Variants in PTHLH observed in about 807,000 individuals in gnomAD.
PTHLH encodes the protein parathyroid hormone-related protein.
PTHLH carries 5 observed loss-of-function variants against 18.6 expected under a neutral mutation model. The observed-to-expected ratio is 0.27, with a 90% confidence interval of 0.14 to 0.56. PTHLH has a LOEUF of 0.56. Among genes scored for constraint, PTHLH ranks in the 20% least tolerant of loss-of-function variants. The pLI, the probability that PTHLH is intolerant of heterozygous loss-of-function variation, is 0.92. For missense variants in PTHLH, 207 were observed against 223.9 expected (o/e 0.92, Z 0.48); for synonymous variants, 90 against 94.0 (o/e 0.96, Z 0.25).
chr12:27,968,642 C>A (rs1425006310), intron 4 of PTHLH, among the ~76,000 whole-genome samples: 1 of 152,132 alleles, frequency 6.6e-6, no homozygotes, highest in Non-Finnish European at 1.5e-5. Flanking sequence ...ATGATTATTT[C>A]AAAGTTGAAG....
chr12:27,958,654 T>C lies in PTHLH; in HGVS notation c.525-86A>G, dbSNP rs986351334. On this transcript the variant is annotated intron_variant, in intron 5 of 5. Coordinates refer to ENST00000545234, the MANE Select transcript of PTHLH (RefSeq NM_198965.2). ...AACATAAAATATAAAGGATATAAGCTAAGGAATGCAAAATCACAATGGAAA... is the reference window on the plus strand; with the variant it reads ...AACATAAAATATAAAGGATATAAGCCAAGGAATGCAAAATCACAATGGAAA... 6 of 1,294,444 alleles carry C rather than the reference T, an allele frequency of 4.6e-6. No homozygotes were observed. In the African/African-American group the frequency reaches 7.6e-5, roughly 16 times the overall value. 80.2% of individuals were successfully genotyped at this position (1,294,444 alleles called of 1,614,324 possible). A position where few individuals can be genotyped will look rare whatever the true frequency, so the allele number is the denominator to read the frequency against.
intron 5 of PTHLH, 107 bp downstream of exon 5, chr12:27,963,241 A>G (rs2062777149): frequency 1.3e-6 from 2 of 1,578,866 alleles, no homozygotes; most frequent in Non-Finnish European, 8.6e-7. Context: ...CGATAGAGAT[A>G]CATAAAGGGA....
chr12:27,966,713 G>A (rs1321465278), intron 4 of PTHLH, among the ~76,000 whole-genome samples: 1 of 151,822 alleles, frequency 6.6e-6, no homozygotes, highest in Non-Finnish European at 1.5e-5. Context: ...TTTGATTATT[G>A]TAAAAAAAAA....
In PTHLH at chr12:27,962,041, T is replaced by C. The variant is rs559023794; in HGVS notation, c.524+1307A>G. ...AAAAAATCATTTCAATGGAAATGCATCGATAAAGAAGCAGGGCAAACATAG... is the reference window on the plus strand; with the variant it reads ...AAAAAATCATTTCAATGGAAATGCACCGATAAAGAAGCAGGGCAAACATAG... On this transcript the variant is annotated intron_variant, in intron 5 of 5. Transcript: ENST00000545234. 21 of 633,032 alleles carry C rather than the reference T, an allele frequency of 3.3e-5. No homozygotes were observed. The African/African-American group carries it at 3.7e-4, about 11-fold the overall frequency. The allele number at this position is 633,032 out of a possible 1,614,324, so 39.2% of individuals were successfully genotyped here.
At chr12:27,969,063 G>C (rs896379329) in intron 4 of PTHLH, 3 of 318,684 alleles carry the variant, frequency 9.4e-6, no homozygotes, top group East Asian at 6.6e-5. Flanking sequence ...GAAGCTTCCC[G>C]GGTCCTGACA....
Position 27,965,027 on chromosome 12 carries a change from T to C in PTHLH, c.102-1257A>G, listed in dbSNP as rs575626102. On this transcript the variant is annotated intron_variant, in intron 4 of 5. Transcript: ENST00000545234. The stretch of plus-strand genomic sequence containing the variant: ...ATGTACTCTTACTTCCCTGAAACAA[T>C]GGTGTCTGGGTCCTTTGTTGCCTTT... 1.8e-4 allele frequency among the ~76,000 whole-genome samples: 27 copies of C among 152,318 alleles called. No individual in the cohort carries two copies. The South Asian group carries it at 5.2e-3, about 29-fold the overall frequency.
chr12:27,963,016 T>C, intron 5 of PTHLH: 1 of 1,219,890 alleles, frequency 8.2e-7, no homozygotes, highest in South Asian at 2.0e-5. Flanking sequence ...AACACACTTC[T>C]CCAGCAAATT....
intron 5 of PTHLH, among the ~76,000 whole-genome samples, chr12:27,960,910 A>G (rs1413513868): frequency 1.3e-5 from 2 of 152,066 alleles, no homozygotes; most frequent in African/African-American, 4.8e-5. Context: ...CTGGATTACA[A>G]AACTTGCATG....
intron 3 of PTHLH, 120 bp from the exon 4 acceptor site, chr12:27,969,636 A>C: frequency 1.1e-6 from 1 of 938,060 alleles, no homozygotes; most frequent in Non-Finnish European, 1.7e-6. Context: ...GGCATCTCCC[A>C]AGTTGAAAAG....
chr12:27,961,307 A>ATATATACG (rs1555124100), intron 5 of PTHLH, among the ~76,000 whole-genome samples: 2 of 63,250 alleles, frequency 3.2e-5, no homozygotes, highest in Admixed American at 1.8e-4. Flanking sequence ...ATACGTATAT[A>ATATATACG]TATATATATA....
intron 5 of PTHLH, among the ~76,000 whole-genome samples, chr12:27,961,318 T>C (rs1348507497): frequency 8.2e-6 from 1 of 122,616 alleles, no homozygotes; most frequent in Non-Finnish European, 1.7e-5. Flanking sequence ...TATATATATA[T>C]ATACGTATAT....
rs1209524934 is a variant in PTHLH, at chr12:27,963,686, A to G, written c.186T>C (p.His62=). Residue 62 remains histidine (H), a synonymous_variant, in exon 5 of 6, where the codon CAT becomes CAC. Transcript: ENST00000545234. ...CAGCTGTGTGGATTTCTGCGATCAG[A>G]TGGTGAAGGAAGAATCGTCGCCGTA... ...QDLRRRFFLH[H]LIAEIHTAEI... The G allele has an allele frequency of 6.2e-7, 1 of 1,613,408 alleles. No homozygotes were observed. The highest frequency in any genetic ancestry group is 1.7e-5 in the Admixed American group (1 of 59,926).
intron 5 of PTHLH, among the ~76,000 whole-genome samples, chr12:27,959,066 G>A (rs949223106): frequency 3.3e-5 from 5 of 152,222 alleles, no homozygotes; most frequent in African/African-American, 1.2e-4. Flanking sequence ...CTGTGGTGAG[G>A]ATAGTGGAAG....
At chr12:27,967,941 C>T (rs1287813848) in intron 4 of PTHLH, among the ~76,000 whole-genome samples, 1 of 152,124 alleles carries the variant, frequency 6.6e-6, no homozygotes, top group Non-Finnish European at 1.5e-5. Context: ...ACAGGTATTT[C>T]TTAAGCAACT....
intron 5 of PTHLH, 63 bp downstream of exon 5, chr12:27,963,285 G>A (rs1206606430): frequency 6.2e-7 from 1 of 1,613,114 alleles, no homozygotes; most frequent in Non-Finnish European, 8.5e-7. Flanking sequence ...CAAGGCAGAA[G>A]GGAGGCTCCA....
intron 3 of PTHLH, 98 bp from the exon 4 acceptor site, chr12:27,969,614 T>C: frequency 9.2e-7 from 1 of 1,087,738 alleles, no homozygotes; most frequent in Non-Finnish European, 1.4e-6. Context: ...AAAAAGCCTC[T>C]TCAACATCAA....
chr12:27,958,979 ACACCTGAATTAGG>A (rs1215750297), intron 5 of PTHLH, among the ~76,000 whole-genome samples: 2 of 152,234 alleles, frequency 1.3e-5, no homozygotes, highest in Admixed American at 1.3e-4. Context: ...TTCCCCAGTG[ACACCTGAATTAGG>A]CAATCCAAAG....
At chr12:27,961,276 CATAT>C (rs1555124058) in intron 5 of PTHLH, among the ~76,000 whole-genome samples, 1 of 52,750 alleles carries the variant, frequency 1.9e-5, no homozygotes, top group Non-Finnish European at 4.0e-5. Flanking sequence ...TTTTATAACT[CATAT>C]ATATACGTAT....
intron 4 of PTHLH, among the ~76,000 whole-genome samples, 172 bp from the exon 5 acceptor site, chr12:27,963,942 G>A (rs535102807): frequency 2.0e-5 from 3 of 152,246 alleles, no homozygotes; most frequent in Admixed American, 2.0e-4. Context: ...GAAGGAAAGA[G>A]CTGGCAGTTG....
Sources: gnomAD v4.1 joint callset for allele counts (sites outside exome capture counted in the v4.1 genomes callset) on GRCh38, gnomAD v4.1.1 for gene constraint, MANE v1.5 for transcripts, NCBI Gene and HGNC (gene_info 2026-07-23, HGNC 2026-07-21) for gene names.